The following BCL2 variants were observed in gnomAD, a reference collection of about 807,000 sequenced individuals.
The protein encoded by BCL2 is BCL2 apoptosis regulator.
Under a neutral mutation model 14.2 loss-of-function variants are expected in BCL2, and 1 was observed. That is an observed-to-expected ratio of 0.07 (90% CI 0.02 to 0.33). The LOEUF (loss-of-function observed/expected upper bound fraction) is 0.33. Among genes scored for constraint, BCL2 ranks in the 10% least tolerant of loss-of-function variants. The pLI is 0.99. For missense variants in BCL2, 247 were observed against 305.9 expected, an observed-to-expected ratio of 0.81 and a Z score of 1.44; for synonymous variants, 151 against 137.2, an observed-to-expected ratio of 1.10 and a Z score of -0.70.
At chr18:63,296,991 C>A (rs1026655958) in intron 2 of BCL2, among the ~76,000 whole-genome samples, 1 of 152,030 alleles carries the variant, frequency 6.6e-6, no homozygotes, top group African/African-American at 2.4e-5. Context: ...GGCGGGCGGA[C>A]CACGAGTTCA....
Position 63,234,027 on chromosome 18 carries a change from G to A in BCL2, c.585+84055C>T, listed in dbSNP as rs1910754589. On this transcript the variant is annotated intron_variant, in intron 2 of 2. Transcript: ENST00000333681. The stretch of plus-strand genomic sequence containing the variant: ...AATTTTTAAAGTTACTGTTTAAAAG[G>A]GTATACATGATCTTTTTCTGCACAT... Among the ~76,000 whole-genome samples, 3 of 151,614 alleles carry A rather than the reference G, an allele frequency of 2.0e-5. No homozygotes were observed. In the South Asian group the frequency reaches 6.3e-4, roughly 32 times the overall value.
intron 2 of BCL2, among the ~76,000 whole-genome samples, chr18:63,172,974 T>C (rs765551006): frequency 2.0e-4 from 31 of 152,202 alleles, no homozygotes; most frequent in Non-Finnish European, 4.3e-4. Flanking sequence ...TCCCATTGAT[T>C]GACTCTACGC....
intron 2 of BCL2, among the ~76,000 whole-genome samples, chr18:63,206,315 G>T (rs1402857242): frequency 6.6e-6 from 1 of 152,202 alleles, no homozygotes; most frequent in Non-Finnish European, 1.5e-5. Flanking sequence ...TCCCTCCAAG[G>T]ATAAACACAA....
chr18:63,212,130 A>G (rs954860269), intron 2 of BCL2, among the ~76,000 whole-genome samples: 82 of 151,804 alleles, frequency 5.4e-4, no homozygotes, highest in Non-Finnish European at 4.1e-4. Context: ...GTTCGAGACC[A>G]TCCTGGCCAA....
At position 63,268,177 on chromosome 18, in the gene BCL2, A is replaced by G. The variant is rs1013657713; in HGVS notation, c.585+49905T>C. Reference sequence around the variant, plus strand: ...CAGGGGAGTAATTTACAGCCTACCAATGAAAAAGAGAGGGAGGGAACACCA... The same window carrying G: ...CAGGGGAGTAATTTACAGCCTACCAGTGAAAAAGAGAGGGAGGGAACACCA... On this transcript the variant is annotated intron_variant, in intron 2 of 2. Coordinates refer to ENST00000333681, the MANE Select transcript of BCL2 (RefSeq NM_000633.3). Among the ~76,000 whole-genome samples, 3 of 152,194 alleles carry G rather than the reference A, an allele frequency of 2.0e-5. No homozygotes were observed. The East Asian group carries it at 5.8e-4, about 29-fold the overall frequency.
At position 63,318,641 on chromosome 18, in the gene BCL2, T is replaced by C; in HGVS notation, c.26A>G (p.Tyr9Cys). 6.2e-7 allele frequency: 1 copy of C among 1,613,414 alleles called. No homozygotes were observed. Among genetic ancestry groups the C allele is most frequent in the Non-Finnish European group, 8.5e-7 (1 of 1,179,714 alleles). Residue 9 changes from tyrosine to cysteine, a missense_variant, in exon 2 of 3, where the codon TAC becomes TGC. Tyr to Cys is a radical substitution (Grantham distance 194). This residue lies in a region of BCL2 where 144 missense variants were observed against 135.3 expected (regional missense o/e 1.06). Coordinates refer to ENST00000333681, the MANE Select transcript of BCL2 (RefSeq NM_000633.3). This position sits in a 1 kb window ranked among gnomAD's most constrained non-coding sequence, Gnocchi z 7.4. MAHAGRTG[Y>C]DNREIVMKYI... is the part of the protein sequence containing the mutation. The stretch of plus-strand genomic sequence containing the variant: ...CTTCATCACTATCTCCCGGTTATCG[T>C]ACCCTGTTCTCCCAGCGTGCGCCAT...
chr18:63,202,902 T>A (rs529074967), intron 2 of BCL2, among the ~76,000 whole-genome samples: 1 of 152,262 alleles, frequency 6.6e-6, no homozygotes, highest in African/African-American at 2.4e-5. Flanking sequence ...TTCTATAATA[T>A]AGCTTAATTC....
rs985637226 is a variant in BCL2 at position 63,126,933 on chromosome 18, T to C, written c.*1692A>G. ...TAATGCCACAGAGTTATTCCATCAA[T>C]GTTTCAAGGCTGATTCTAAACTGGA... is the stretch of plus-strand genomic sequence containing the variant. On this transcript the variant is annotated 3_prime_UTR_variant, in exon 3 of 3. Coordinates refer to ENST00000333681, the MANE Select transcript of BCL2 (RefSeq NM_000633.3). 8 of 227,148 alleles carry C rather than the reference T, an allele frequency of 3.5e-5. No individual in the cohort carries two copies. The highest frequency in any genetic ancestry group is 1.1e-4 in the Admixed American group (2 of 17,548). 14.1% of individuals were successfully genotyped at this position (227,148 alleles called of 1,614,324 possible).
Position 63,244,239 on chromosome 18 carries a change from G to A in BCL2, c.585+73843C>T, listed in dbSNP as rs189283943. On this transcript the variant is annotated intron_variant, in intron 2 of 2. Transcript: ENST00000333681. ...CCAAAAATACAAAAATTAGCTGGGC[G>A]TGGTGGCAGGCACCTGTAATCCCAG... Among the ~76,000 whole-genome samples, 1,046 of 152,220 alleles carry A rather than the reference G, an allele frequency of 6.9e-3. 13 individuals are homozygous for A. The highest frequency in any genetic ancestry group is 0.024 in the African/African-American group (978 of 41,528).
intron 2 of BCL2, among the ~76,000 whole-genome samples, chr18:63,157,845 T>C (rs923511926): frequency 4.6e-5 from 7 of 152,188 alleles, no homozygotes; most frequent in African/African-American, 1.7e-4. Flanking sequence ...GAGAAACAAA[T>C]ACCGCTCAGC....
intron 2 of BCL2, among the ~76,000 whole-genome samples, chr18:63,213,369 T>C (rs1910101630): frequency 6.6e-6 from 1 of 152,124 alleles, no homozygotes; most frequent in African/African-American, 2.4e-5. Context: ...ATCACCAATG[T>C]AGGTCCTCAC....
At chr18:63,291,191 G>T (rs900560939) in intron 2 of BCL2, among the ~76,000 whole-genome samples, 10 of 152,102 alleles carry the variant, frequency 6.6e-5, no homozygotes, top group African/African-American at 1.4e-4. Flanking sequence ...AATGGATAAG[G>T]TTTTCACAAG....
At chr18:63,314,735 G>C (rs1220207357) in intron 2 of BCL2, 1 of 152,194 alleles carries the variant, frequency 6.6e-6, no homozygotes, top group Non-Finnish European at 1.5e-5. Context: ...TTTAAACTGT[G>C]TTATGAGGGG....
At chr18:63,298,337 C>T (rs947529013) in intron 2 of BCL2, among the ~76,000 whole-genome samples, 1 of 152,196 alleles carries the variant, frequency 6.6e-6, no homozygotes, top group African/African-American at 2.4e-5. Context: ...GGCCCATGGG[C>T]CATCTGGGAA....
intron 2 of BCL2, among the ~76,000 whole-genome samples, chr18:63,152,629 T>A (rs1408811442): frequency 1.3e-5 from 2 of 152,128 alleles, no homozygotes; most frequent in African/African-American, 4.8e-5. Flanking sequence ...TACTCCTAAA[T>A]CTTCTTGCTA....
At chr18:63,275,579 T>C (rs1428996335) in intron 2 of BCL2, among the ~76,000 whole-genome samples, 5 of 152,226 alleles carry the variant, frequency 3.3e-5, no homozygotes, top group African/African-American at 1.2e-4. Flanking sequence ...GAGCTTCATA[T>C]TGTCGAAAAA....
At chr18:63,284,458 C>T (rs868783219) in intron 2 of BCL2, among the ~76,000 whole-genome samples, 8 of 152,274 alleles carry the variant, frequency 5.3e-5, no homozygotes, top group African/African-American at 1.9e-4. Flanking sequence ...CCCCAGAAGT[C>T]CTATTCCTAA....
At chr18:63,267,182 C>G (rs1911856966) in intron 2 of BCL2, among the ~76,000 whole-genome samples, 1 of 152,180 alleles carries the variant, frequency 6.6e-6, no homozygotes, top group South Asian at 2.1e-4. Context: ...GACAGTTTCT[C>G]TGGGGGTGCT....
At chr18:63,315,869 A>G (rs373109468) in intron 2 of BCL2, 3 of 151,934 alleles carry the variant, frequency 2.0e-5, no homozygotes, top group Non-Finnish European at 2.9e-5. Flanking sequence ...ATATATATAT[A>G]TTTTTTCTCT....
Sources: gnomAD v4.1 joint callset for allele counts (sites outside exome capture counted in the v4.1 genomes callset) on GRCh38, gnomAD v4.1.1 for gene constraint, gnomAD v4.1.1 regional missense constraint, Gnocchi (gnomAD v3.1) non-coding constraint, MANE v1.5 for transcripts, NCBI Gene and HGNC (gene_info 2026-07-23, HGNC 2026-07-21) for gene names.